The following EVPL variants were observed in gnomAD, a reference collection of about 807,000 sequenced individuals.
EVPL encodes 210 kDa cornified envelope precursor protein.
Under a neutral mutation model 129.7 loss-of-function variants are expected in EVPL, and 94 were observed. That is an observed-to-expected ratio of 0.72 (90% CI 0.61 to 0.86). EVPL has a LOEUF of 0.86. Ranked by LOEUF, EVPL falls within the 40% of genes least tolerant of loss-of-function variation. The pLI is 0.00. For synonymous variants in EVPL, 1,172 were observed against 1,191.1 expected, an observed-to-expected ratio of 0.98 and a Z score of 0.33; for missense variants, 2,625 against 2,721.1, an observed-to-expected ratio of 0.96 and a Z score of 0.79.
At position 76,007,728 on chromosome 17, in the gene EVPL, G is replaced by C. The variant is rs148502601; in HGVS notation, c.5477C>G (p.Pro1826Arg). 1 of 1,613,110 alleles carries C rather than the reference G, an allele frequency of 6.2e-7. No individual in the cohort carries two copies. Among genetic ancestry groups the C allele is most frequent in the Admixed American group, 1.7e-5 (1 of 60,012 alleles). Residue 1826 changes from proline to arginine, a missense_variant, in exon 22 of 22, where the codon CCT becomes CGT. By Grantham distance (103) the Pro-to-Arg change is moderately radical. This residue lies in a region of EVPL where 1,453 missense variants were observed against 1,511.8 expected (regional missense o/e 0.96). Transcript: ENST00000301607. This position sits in a 1 kb window ranked among gnomAD's most constrained non-coding sequence, Gnocchi z 8.8. The stretch of plus-strand genomic sequence containing the variant: ...GGTTGTGTCATAGATCCCGGCGATA[G>C]GGAAGCTGTCATCACCGAGCCCGAG... ...FSLGLGDDSF[P>R]IAGIYDTTTD...
chr17:76,012,035 G>A lies in EVPL; in HGVS notation c.2428C>T (p.Leu810Phe), dbSNP rs759660488. Residue 810 changes from leucine (L) to phenylalanine (F), a missense_variant, in exon 19 of 22, where the codon CTC (leucine) becomes TTC (phenylalanine). Coordinates refer to ENST00000301607, the MANE Select transcript of EVPL (RefSeq NM_001988.4). ...AGCGCTGCCTGCAGGGCCTGGGAGA[G>A]GTGGGATGCTGTGGCCCTGTCCCGC... is the stretch of plus-strand genomic sequence containing the variant. The part of the protein sequence containing the change: ...RERDRATASH[L>F]SQALQAALQD... 1 of 1,612,912 alleles carries A rather than the reference G, an allele frequency of 6.2e-7. No homozygotes were observed. The highest frequency in any genetic ancestry group is 8.5e-7 in the Non-Finnish European group (1 of 1,179,722).
At position 76,024,558 on chromosome 17, in the gene EVPL, T is replaced by C. The variant is rs560775720; in HGVS notation, c.99-438A>G. Among the ~76,000 whole-genome samples, 2 of 151,844 alleles carry C rather than the reference T, an allele frequency of 1.3e-5. No homozygotes were observed. The highest frequency in any genetic ancestry group is 2.0e-4 in the East Asian group (1 of 5,110). ...CAGGGAGGCAGCAGCATGTCCCCCA[T>C]CCCCACCTCCTCGCACTCCAGCCCT... On this transcript the variant is annotated intron_variant, in intron 1 of 21. Coordinates refer to ENST00000301607, the MANE Select transcript of EVPL (RefSeq NM_001988.4). The surrounding 1 kb of genome is among the most constrained non-coding windows in gnomAD (Gnocchi z 4.5).
At chr17:76,018,831 G>A in intron 11 of EVPL, 83 bp downstream of exon 11, 1 of 1,432,354 alleles carries the variant, frequency 7.0e-7, no homozygotes. Context: ...GCTGGGGATG[G>A]AGCAGGGATG....
chr17:76,027,192 T>C lies in EVPL; in HGVS notation c.7A>G (p.Lys3Glu), dbSNP rs371752015. MF[K>E]GLSKGSQGKG... ...CCCTGGGAGCCTTTGCTCAGCCCCT[T>C]GAACATGGTCGTAAAGGCAAGTGCT... The change falls in exon 1 of 22, where the codon AAG (lysine) becomes GAG (glutamate). Residue 3 changes from lysine to glutamate, a missense_variant. Lys to Glu is a moderately conservative substitution (Grantham distance 56). Coordinates refer to ENST00000301607, the MANE Select transcript of EVPL (RefSeq NM_001988.4). The C allele has an allele frequency of 2.1e-5, 34 of 1,603,768 alleles. No homozygotes were observed. In the South Asian group the frequency reaches 3.3e-4, roughly 16 times the overall value.
rs772671958 is a variant in EVPL, at chr17:76,015,564, G to A, written c.1775C>T (p.Ala592Val). ...EKETAQKECE[A>V]FLSTRPVGPA... ...GCCCACGGGCCGCGTGGACAGAAAC[G>A]CCTCGCACTCCTTCTGGGCTGTCTC... is the stretch of plus-strand genomic sequence containing the variant. Residue 592 changes from alanine (A) to valine (V), a missense_variant, in exon 15 of 22, where the codon GCG becomes GTG. Physicochemically the swap from Ala to Val is moderately conservative, Grantham distance 64. Transcript: ENST00000301607. 1.1e-5 allele frequency: 17 copies of A among 1,613,146 alleles called. No individual in the cohort carries two copies. Among genetic ancestry groups the A allele is most frequent in the Admixed American group, 3.3e-5 (2 of 59,998 alleles).
Position 76,007,246 on chromosome 17 carries a change from A to T in EVPL, c.5959T>A (p.Ser1987Thr). The change falls in exon 22 of 22, where the codon TCC becomes ACC. Residue 1987 changes from serine (S) to threonine (T), a missense_variant. Ser to Thr is a moderately conservative substitution (Grantham distance 58, BLOSUM62 1). Transcript: ENST00000301607. The surrounding 1 kb of genome is among the most constrained non-coding windows in gnomAD (Gnocchi z 8.8). The stretch of plus-strand genomic sequence containing the variant: ...TCCTTGTAGCTCAGCCGTTCCTTGG[A>T]GATGGGGTCTGTCAAATCCTTCTCG... ...SYEKDLTDPI[S>T]KERLSYKEAM... 6.4e-7 allele frequency: 1 copy of T among 1,569,350 alleles called. No homozygotes were observed. The highest frequency in any genetic ancestry group is 2.3e-5 in the East Asian group (1 of 44,340).
intron 21 of EVPL, among the ~76,000 whole-genome samples, chr17:76,010,976 C>T (rs1403732133): frequency 1.3e-5 from 2 of 152,278 alleles, no homozygotes; most frequent in East Asian, 3.9e-4. Context: ...GCAGGAGAAT[C>T]GCTTGAACCA....
chr17:76,007,220 C>T lies in EVPL; in HGVS notation c.5985G>A (p.Glu1995=), dbSNP rs1252817315. ...PISKERLSYK[E]AMGRCRKDPL... ...GGTCTTTGCGGCAGCGGCCCATGGC[C>T]TCCTTGTAGCTCAGCCGTTCCTTGG... The change falls in exon 22 of 22, where the codon GAG becomes GAA. Residue 1995 remains glutamate, a synonymous_variant. Transcript: ENST00000301607. The surrounding 1 kb of genome is among the most constrained non-coding windows in gnomAD (Gnocchi z 8.8). 4 of 1,561,870 alleles carry T rather than the reference C, an allele frequency of 2.6e-6. No homozygotes were observed. Among genetic ancestry groups the T allele is most frequent in the Non-Finnish European group, 3.5e-6 (4 of 1,152,416 alleles).
At chr17:76,016,421 C>T (rs917552126) in intron 14 of EVPL, among the ~76,000 whole-genome samples, 2 of 152,228 alleles carry the variant, frequency 1.3e-5, no homozygotes, top group South Asian at 2.1e-4. Flanking sequence ...CACCACCCAC[C>T]GCCCAGTCTA....
Position 76,024,040 on chromosome 17 carries a change from G to A in EVPL, c.179C>T (p.Thr60Met), listed in dbSNP as rs749502540. 1.4e-5 allele frequency: 22 copies of A among 1,613,644 alleles called. No individual in the cohort carries two copies. Among genetic ancestry groups the A allele is most frequent in the East Asian group, 4.5e-5 (2 of 44,878 alleles). Reference protein sequence around the residue: ...ADQVERDILETQKRLQQDRLN... With the variant: ...ADQVERDILEMQKRLQQDRLN... ...CCTCACCTGCTGCAGCCTCTTCTGC[G>A]TCTCCAGGATGTCCCGCTCCACCTG... Residue 60 changes from threonine to methionine, a missense_variant, in exon 2 of 22, where the codon ACG becomes ATG. By Grantham distance (81) the Thr-to-Met change is moderately conservative (BLOSUM62 -1). This residue lies in a region of EVPL where 139 missense variants were observed against 186.8 expected (regional missense o/e 0.74). Transcript: ENST00000301607. The surrounding 1 kb of genome is among the most constrained non-coding windows in gnomAD (Gnocchi z 4.5).
chr17:76,014,450 G>A lies in EVPL; in HGVS notation c.2349C>T (p.Ile783=), dbSNP rs372817316. 2.4e-5 allele frequency: 39 copies of A among 1,610,640 alleles called. No homozygotes were observed. The highest frequency in any genetic ancestry group is 3.1e-5 in the Non-Finnish European group (37 of 1,178,950). ...CCTTCTGCGCCTGCAGCTTGTAGGC[G>A]ATCTGGCTGGGGCCGTCGCTGGGCC... The part of the protein sequence containing the change: ...QVRPSDGPSQ[I]AYKLQAQKRL... The change falls in exon 18 of 22, where the codon ATC becomes ATT. Residue 783 remains isoleucine (I), a synonymous_variant. Transcript: ENST00000301607.
At position 76,006,897 on chromosome 17, in the gene EVPL, G is replaced by T; in HGVS notation, c.*206C>A. 2.2e-6 allele frequency: 1 copy of T among 455,466 alleles called. No homozygotes were observed. Among genetic ancestry groups the T allele is most frequent in the Non-Finnish European group, 3.6e-6 (1 of 275,510 alleles). 28.2% of individuals were successfully genotyped at this position (455,466 alleles called of 1,614,324 possible). ...GGATCACTGGGTGGAGGTGGAGGAAGAACTGAGTGGCTGCTGTCCTGGTCT... is the reference window on the plus strand; with the variant it reads ...GGATCACTGGGTGGAGGTGGAGGAATAACTGAGTGGCTGCTGTCCTGGTCT... On this transcript the variant is annotated 3_prime_UTR_variant, in exon 22 of 22. Transcript: ENST00000301607.
In EVPL at chr17:76,011,678, G is replaced by A. The variant is rs1300499370; in HGVS notation, c.2569-10C>T. 2.5e-6 allele frequency: 4 copies of A among 1,613,536 alleles called. No individual in the cohort carries two copies. Among genetic ancestry groups the A allele is most frequent in the African/African-American group, 1.3e-5 (1 of 74,922 alleles). On this transcript the variant is annotated splice_polypyrimidine_tract_variant and intron_variant, in intron 20 of 21. Transcript: ENST00000301607. ...TTGCAAGGTTCTTCTCCTGGAGAAG[G>A]CAGAGGGAGAGGGGAAGGGCAGAGT...
rs751804524 is a variant in EVPL at position 76,015,672 on chromosome 17, G to A, written c.1711-44C>T. The A allele has an allele frequency of 3.2e-6, 5 of 1,570,236 alleles. No homozygotes were observed. The Admixed American group carries it at 5.5e-5, about 17-fold the overall frequency. On this transcript the variant is annotated intron_variant, in intron 14 of 21. Coordinates refer to ENST00000301607, the MANE Select transcript of EVPL (RefSeq NM_001988.4). Reference sequence around the variant, plus strand: ...AGGGATCTCTGGGCAGGTGGGTTCCGCCCGACTCTTCTACCAGGATACCCT... The same window carrying A: ...AGGGATCTCTGGGCAGGTGGGTTCCACCCGACTCTTCTACCAGGATACCCT...
Position 76,007,480 on chromosome 17 carries a change from G to C in EVPL, c.5725C>G (p.Pro1909Ala), listed in dbSNP as rs1434403771. ...AQKAFTGIED[P>A]VTKKRLSVGE... ...ACCGAGAGCCTCTTCTTGGTGACGGGGTCCTCGATGCCGGTGAAGGCCTTC... is the reference window on the plus strand; with the variant it reads ...ACCGAGAGCCTCTTCTTGGTGACGGCGTCCTCGATGCCGGTGAAGGCCTTC... The change falls in exon 22 of 22, where the codon CCC becomes GCC. Residue 1909 changes from proline to alanine, a missense_variant. Physicochemically the swap from Pro to Ala is conservative, Grantham distance 27. Coordinates refer to ENST00000301607, the MANE Select transcript of EVPL (RefSeq NM_001988.4). This position sits in a 1 kb window ranked among gnomAD's most constrained non-coding sequence, Gnocchi z 8.8. 6.2e-7 allele frequency: 1 copy of C among 1,612,084 alleles called. No individual in the cohort carries two copies. The highest frequency in any genetic ancestry group is 1.3e-5 in the African/African-American group (1 of 75,016).
chr17:76,014,249 G>A (rs1263503941), intron 18 of EVPL, among the ~76,000 whole-genome samples, 177 bp downstream of exon 18: 2 of 152,190 alleles, frequency 1.3e-5, no homozygotes, highest in Non-Finnish European at 2.9e-5. Flanking sequence ...GCCCCAGTCG[G>A]GCCAGACAGA....
At position 76,008,131 on chromosome 17, in the gene EVPL, C is replaced by T. The variant is rs768580657; in HGVS notation, c.5074G>A (p.Glu1692Lys). Residue 1692 changes from glutamate (E) to lysine (K), a missense_variant, in exon 22 of 22, where the codon GAG (glutamate) becomes AAG (lysine). Transcript: ENST00000301607. This position sits in a 1 kb window ranked among gnomAD's most constrained non-coding sequence, Gnocchi z 7.4. ...TATGGGGACATGTCCTTCCCCGTCT[C>T]GGGTTCCAGGATGGAGATCTTGGTG... ...LSTKISILEPETGKDMSPYEA... is the reference protein window; with the variant it reads ...LSTKISILEPKTGKDMSPYEA... 1.1e-5 allele frequency: 18 copies of T among 1,614,050 alleles called. No individual in the cohort carries two copies. Among genetic ancestry groups the T allele is most frequent in the African/African-American group, 2.7e-5 (2 of 74,918 alleles).
chr17:76,007,021 G>A lies in EVPL; in HGVS notation c.*82C>T. 2.3e-6 allele frequency: 3 copies of A among 1,279,260 alleles called. No individual in the cohort carries two copies. The East Asian group carries it at 8.6e-5, about 37-fold the overall frequency. The allele number at this position is 1,279,260 out of a possible 1,614,324, so 79.2% of individuals were successfully genotyped here. A position where few individuals can be genotyped will look rare whatever the true frequency, so the allele number is the denominator to read the frequency against. On this transcript the variant is annotated 3_prime_UTR_variant, in exon 22 of 22. Transcript: ENST00000301607. This position sits in a 1 kb window ranked among gnomAD's most constrained non-coding sequence, Gnocchi z 8.8. ...GACAGAGGGAAGACCCACTGCCTGG[G>A]ATGAGGCTGCTCTGAGGCAAGAGGT...
At chr17:76,019,766 C>T (rs2066444764) in intron 9 of EVPL, 113 bp from the exon 10 acceptor site, 2 of 1,353,422 alleles carry the variant, frequency 1.5e-6, no homozygotes, top group Admixed American at 3.0e-5. Flanking sequence ...CCTAAACCAG[C>T]TAAACACAAA....
Sources: allele counts gnomAD v4.1 joint callset (sites outside exome capture counted in the v4.1 genomes callset), GRCh38; gene constraint gnomAD v4.1.1; regional missense constraint gnomAD v4.1.1; non-coding constraint Gnocchi (gnomAD v3.1); transcripts MANE v1.5; gene names NCBI Gene and HGNC (gene_info 2026-07-23, HGNC 2026-07-21).